The following SNRPN variants were observed in gnomAD, a reference collection of about 807,000 sequenced individuals.
The protein encoded by SNRPN is small nuclear ribonucleoprotein polypeptide N.
Under a neutral mutation model 25.2 loss-of-function variants are expected in SNRPN, and 7 were observed. The ratio of observed to expected loss-of-function variants is 0.28; its 90% CI spans 0.16 to 0.52. SNRPN has a LOEUF of 0.52. Among genes scored for constraint, SNRPN ranks in the 20% least tolerant of loss-of-function variants. The pLI is 0.96. For synonymous variants in SNRPN, 124 were observed against 110.6 expected, an observed-to-expected ratio of 1.12 and a Z score of -0.76; for missense variants, 196 against 322.5, an observed-to-expected ratio of 0.61 and a Z score of 3.00.
intron 2 of SNRPN, among the ~76,000 whole-genome samples, chr15:24,892,133 G>A (rs1442954600): frequency 6.6e-6 from 1 of 152,168 alleles, no homozygotes; most frequent in African/African-American, 2.4e-5. Context: ...ACATCTAACA[G>A]CTATCGAAAT....
intron 3 of SNRPN, among the ~76,000 whole-genome samples, chr15:24,933,343 GA>G (rs199642200): frequency 0.26 from 38,116 of 147,306 alleles, 5,600 homozygotes; most frequent in South Asian, 0.43. Flanking sequence ...CTGGTTTAAA[GA>G]AAAAAAAAAA....
chr15:24,845,294 C>T (rs573823537), intron 2 of SNRPN, among the ~76,000 whole-genome samples: 1 of 152,292 alleles, frequency 6.6e-6, no homozygotes, highest in South Asian at 2.1e-4. Context: ...ACTAATACCA[C>T]ATTATATTAA....
intron 1 of SNRPN, among the ~76,000 whole-genome samples, chr15:24,874,909 TA>T (rs2055699235): frequency 6.6e-6 from 1 of 152,204 alleles, no homozygotes. Context: ...GTATTCTGCT[TA>T]TATTTTCCAT....
intron 2 of SNRPN, among the ~76,000 whole-genome samples, chr15:24,900,760 G>T (rs973884189): frequency 6.6e-6 from 1 of 152,130 alleles, no homozygotes; most frequent in Admixed American, 6.6e-5. Flanking sequence ...AAATATAACA[G>T]TAGATTGGGT....
In SNRPN at chr15:24,928,567, CA is replaced by C. The variant is rs77650861; in HGVS notation, c.-391+8451del. On this transcript the variant is annotated intron_variant, in intron 3 of 11. Coordinates refer to the SNRPN transcript ENST00000400097. ...CACAATTATAAATAATGGTCAGTAT[CA>C]AAAAAAATTGTCATTCTACAGTGCT... 5.3e-5 allele frequency among the ~76,000 whole-genome samples: 8 copies of C among 151,622 alleles called. No individual in the cohort carries two copies. The South Asian group carries it at 6.3e-4, about 12-fold the overall frequency.
intron 2 of SNRPN, among the ~76,000 whole-genome samples, chr15:24,887,364 T>C (rs2057287501): frequency 6.6e-6 from 1 of 152,036 alleles, no homozygotes; most frequent in Admixed American, 6.5e-5. Context: ...GCCAGGCTGC[T>C]CTCAAACTCC....
chr15:24,839,972 G>T (rs1337015946), intron 2 of SNRPN, among the ~76,000 whole-genome samples: 8 of 152,232 alleles, frequency 5.3e-5, no homozygotes, highest in Non-Finnish European at 1.2e-4. Flanking sequence ...GAGAGAAATG[G>T]CAGTTCAGGT....
At chr15:24,949,973 C>A (rs568873833), upstream of SNRPN, among the ~76,000 whole-genome samples, 1 of 151,604 alleles carries the variant, frequency 6.6e-6, no homozygotes, top group African/African-American at 2.4e-5. Context: ...TAGAGGTGCA[C>A]ACCACTATGC....
intron 2 of SNRPN, 48 bp downstream of exon 2, chr15:24,962,257 C>A: frequency 6.9e-7 from 1 of 1,448,272 alleles, no homozygotes; most frequent in Non-Finnish European, 9.7e-7. Context: ...AATCTCCTTT[C>A]AGATTAGAAC....
intron 3 of SNRPN, 85 bp from the exon 4 acceptor site, chr15:24,974,225 TG>T (rs1253105095): frequency 1.8e-6 from 1 of 561,614 alleles, no homozygotes; most frequent in Non-Finnish European, 3.2e-6. Context: ...TGAACGTGTC[TG>T]TCATAGTGAT....
chr15:24,954,943 G>A, upstream of SNRPN: 5 of 1,530,890 alleles, frequency 3.3e-6, no homozygotes, highest in Non-Finnish European at 2.7e-6. Context: ...GCATGCTCAG[G>A]CGGGGATGTG....
intron 2 of SNRPN, among the ~76,000 whole-genome samples, chr15:24,890,326 A>G (rs28843114): frequency 0.088 from 13,432 of 152,212 alleles, 709 homozygotes; most frequent in South Asian, 0.15. Flanking sequence ...CCAGGTAATT[A>G]CTATTAGATG....
intron 3 of SNRPN, among the ~76,000 whole-genome samples, chr15:24,928,573 A>AATTGT (rs893017767): frequency 6.6e-6 from 1 of 152,058 alleles, no homozygotes; most frequent in African/African-American, 2.4e-5. Flanking sequence ...GTATCAAAAA[A>AATTGT]AATTGTCATT....
At chr15:24,972,510 C>T (rs1177059165) in intron 3 of SNRPN, among the ~76,000 whole-genome samples, 1 of 150,484 alleles carries the variant, frequency 6.6e-6, no homozygotes, top group African/African-American at 2.4e-5. Context: ...AGATTCATGG[C>T]CACTGAATGA....
intron 2 of SNRPN, among the ~76,000 whole-genome samples, chr15:24,842,829 G>A (rs969046108): frequency 2.6e-5 from 4 of 152,182 alleles, no homozygotes; most frequent in African/African-American, 9.7e-5. Flanking sequence ...CCACCTGGAG[G>A]ACTGTTTTGC....
At chr15:24,830,561 C>T (rs2050434252) in intron 2 of SNRPN, among the ~76,000 whole-genome samples, 1 of 152,026 alleles carries the variant, frequency 6.6e-6, no homozygotes, top group Admixed American at 6.5e-5. Flanking sequence ...CTAATATATA[C>T]ACACTCAATG....
chr15:24,848,814 G>A (rs1457910803), intron 2 of SNRPN: 1 of 151,920 alleles, frequency 6.6e-6, no homozygotes, highest in African/African-American at 2.4e-5. Context: ...TTTCCCCACA[G>A]TCTCTATTTT....
intron 1 of SNRPN, among the ~76,000 whole-genome samples, chr15:24,827,515 C>CAAAAA (rs58393593): frequency 2.1e-5 from 2 of 96,764 alleles, no homozygotes; most frequent in African/African-American, 4.0e-5. Context: ...GACTCTGTCT[C>CAAAAA]AAAAAAAAAA....
intron 1 of SNRPN, among the ~76,000 whole-genome samples, chr15:24,828,672 A>G (rs1838597843): frequency 6.6e-6 from 1 of 152,184 alleles, no homozygotes; most frequent in Non-Finnish European, 1.5e-5. Context: ...TGTGATCACA[A>G]CTATGAATAT....
Sources: gnomAD v4.1 joint callset for allele counts (sites outside exome capture counted in the v4.1 genomes callset) on GRCh38, gnomAD v4.1.1 for gene constraint, MANE v1.5 for transcripts, NCBI Gene and HGNC (gene_info 2026-07-23, HGNC 2026-07-21) for gene names.